The following TAFA4 variants were observed in gnomAD, a reference collection of about 807,000 sequenced individuals.
TAFA4 encodes chemokine-like protein TAFA-4.
A neutral mutation model predicts 21.1 loss-of-function variants in TAFA4; 20 were observed. That is an observed-to-expected ratio of 0.95 (90% CI 0.67 to 1.38). TAFA4 has a LOEUF of 1.38. Ranked by LOEUF, TAFA4 falls within the 40% of genes most tolerant of loss-of-function variation. The probability of loss-of-function intolerance (pLI) is 0.00; values close to 1 mark genes in which losing one functional copy is unlikely to be tolerated. For missense variants in TAFA4, 211 were observed against 180.9 expected (o/e 1.17, Z -0.95); for synonymous variants, 71 against 67.4 (o/e 1.05, Z -0.26).
chr3:68,867,963 A>G (rs193039868), intron 3 of TAFA4, among the ~76,000 whole-genome samples: 14 of 152,240 alleles, frequency 9.2e-5, no homozygotes, highest in African/African-American at 3.4e-4. Context: ...CAACCAGAAA[A>G]TAACAATATG....
chr3:68,874,013 A>G (rs1028414832), intron 3 of TAFA4, among the ~76,000 whole-genome samples: 4 of 152,046 alleles, frequency 2.6e-5, no homozygotes, highest in African/African-American at 4.8e-5. Flanking sequence ...TGCCTATATT[A>G]TATTTTTCCT....
rs961598702 is a variant in TAFA4 at position 68,849,685 on chromosome 3, T to C, written c.130+31045A>G. Among the ~76,000 whole-genome samples the C allele has an allele frequency of 8.5e-5, 13 of 152,344 alleles. No homozygotes were observed. The South Asian group carries it at 1.0e-3, about 12-fold the overall frequency. ...ATTCCCAATCTATAATCATGACGTATAATACAACATTAAGTCATGAAGTTT... is the reference window on the plus strand; with the variant it reads ...ATTCCCAATCTATAATCATGACGTACAATACAACATTAAGTCATGAAGTTT... On this transcript the variant is annotated intron_variant, in intron 3 of 5. Transcript: ENST00000295569.
intron 3 of TAFA4, among the ~76,000 whole-genome samples, chr3:68,844,249 G>C (rs911413417): frequency 2.0e-5 from 3 of 151,854 alleles, no homozygotes; most frequent in Non-Finnish European, 4.4e-5. Flanking sequence ...GTCTTGGGAG[G>C]GTGTATGTGT....
chr3:68,783,816 G>T (rs956730270), intron 3 of TAFA4, among the ~76,000 whole-genome samples: 2 of 151,920 alleles, frequency 1.3e-5, no homozygotes, highest in African/African-American at 4.8e-5. Context: ...AAAATAACAG[G>T]TGTGATTGTC....
At chr3:68,866,290 C>T (rs2089417145) in intron 3 of TAFA4, among the ~76,000 whole-genome samples, 1 of 151,930 alleles carries the variant, frequency 6.6e-6, no homozygotes, top group South Asian at 2.1e-4. Context: ...CCATTGGGAC[C>T]CACACTCCCA....
intron 3 of TAFA4, among the ~76,000 whole-genome samples, chr3:68,845,120 C>A (rs148535033): frequency 2.0e-4 from 30 of 152,276 alleles, no homozygotes; most frequent in African/African-American, 7.2e-4. Context: ...GTGTTAAAGT[C>A]TCCCGCTGTT....
intron 3 of TAFA4, among the ~76,000 whole-genome samples, chr3:68,773,588 C>A (rs1702997438): frequency 6.6e-6 from 1 of 152,174 alleles, no homozygotes; most frequent in Non-Finnish European, 1.5e-5. Context: ...TGATGACCTG[C>A]CCCCACCTGA....
chr3:68,820,570 T>G (rs1197131146), intron 3 of TAFA4, among the ~76,000 whole-genome samples: 3 of 151,588 alleles, frequency 2.0e-5, no homozygotes, highest in African/African-American at 7.3e-5. Flanking sequence ...TTCCATCTAC[T>G]TGGAAGGATT....
intron 3 of TAFA4, among the ~76,000 whole-genome samples, chr3:68,775,865 C>G (rs1448264229): frequency 6.6e-6 from 1 of 152,090 alleles, no homozygotes; most frequent in East Asian, 1.9e-4. Flanking sequence ...ACTTCAGTAT[C>G]CTGTTCCACA....
At chr3:68,880,243 T>C (rs1280778441) in intron 3 of TAFA4, among the ~76,000 whole-genome samples, 1 of 152,198 alleles carries the variant, frequency 6.6e-6, no homozygotes, top group Non-Finnish European at 1.5e-5. Context: ...TTTTCTCTTT[T>C]CTTTTTTTAA....
At chr3:68,882,633 G>A (rs1283513539) in intron 2 of TAFA4, among the ~76,000 whole-genome samples, 1 of 152,104 alleles carries the variant, frequency 6.6e-6, no homozygotes, top group African/African-American at 2.4e-5. Context: ...GTAATAACTG[G>A]AATTTTAAAA....
chr3:68,786,372 G>C (rs1274966294), intron 3 of TAFA4, among the ~76,000 whole-genome samples: 2 of 152,164 alleles, frequency 1.3e-5, no homozygotes, highest in Non-Finnish European at 2.9e-5. Flanking sequence ...AGGCTGAGAT[G>C]GGAGGATCAG....
chr3:68,916,625 T>A (rs1031408803), intron 1 of TAFA4, among the ~76,000 whole-genome samples: 9 of 152,220 alleles, frequency 5.9e-5, no homozygotes. Flanking sequence ...AAAGCTTTGA[T>A]ACAAAAATGT....
Position 68,785,422 on chromosome 3 carries a change from G to A in TAFA4, c.131-32404C>T, listed in dbSNP as rs558450411. Reference sequence around the variant, plus strand: ...GGAGCCCACAGAGGAGCAGGGGAAGGCTCAGGCATGGCGGGCTGCGGGTCC... The same window carrying A: ...GGAGCCCACAGAGGAGCAGGGGAAGACTCAGGCATGGCGGGCTGCGGGTCC... On this transcript the variant is annotated intron_variant, in intron 3 of 5. Transcript: ENST00000295569. Among the ~76,000 whole-genome samples, 92 of 152,376 alleles carry A rather than the reference G, an allele frequency of 6.0e-4. 2 individuals carry two copies. In the South Asian group the frequency reaches 0.018, roughly 30 times the overall value.
intron 3 of TAFA4, among the ~76,000 whole-genome samples, chr3:68,803,669 T>C (rs1282456950): frequency 6.6e-6 from 1 of 150,690 alleles, no homozygotes; most frequent in Non-Finnish European, 1.5e-5. Flanking sequence ...TGTTTGTTTT[T>C]CAATAGCTTC....
At chr3:68,826,795 C>G (rs1013332369) in intron 3 of TAFA4, among the ~76,000 whole-genome samples, 14 of 152,020 alleles carry the variant, frequency 9.2e-5, no homozygotes, top group South Asian at 2.1e-4. Context: ...AACTTTAATA[C>G]CCTTCTACTC....
intron 1 of TAFA4, among the ~76,000 whole-genome samples, chr3:68,898,781 C>G (rs1215972674): frequency 1.3e-5 from 2 of 152,200 alleles, no homozygotes; most frequent in Non-Finnish European, 2.9e-5. Flanking sequence ...GTTTACATCT[C>G]TGTTTAACAG....
At position 68,852,305 on chromosome 3, in the gene TAFA4, G is replaced by T. The variant is rs368558214; in HGVS notation, c.130+28425C>A. On this transcript the variant is annotated intron_variant, in intron 3 of 5. Coordinates refer to ENST00000295569, the MANE Select transcript of TAFA4 (RefSeq NM_182522.5). ...TGAGTTTGGAGGATAAACTGAGCCT[G>T]GGACTTTCTTCTCCCTCTCTGGGGC... is the stretch of plus-strand genomic sequence containing the variant. Among the ~76,000 whole-genome samples, 134 of 152,208 alleles carry T rather than the reference G, an allele frequency of 8.8e-4. 1 individual carries two copies. Among genetic ancestry groups the T allele is most frequent in the African/African-American group, 2.8e-3 (118 of 41,522 alleles).
At chr3:68,812,402 C>A (rs955706808) in intron 3 of TAFA4, among the ~76,000 whole-genome samples, 1 of 152,016 alleles carries the variant, frequency 6.6e-6, no homozygotes, top group African/African-American at 2.4e-5. Context: ...GAGTCAAGAC[C>A]CATCAGTGTG....
Sources: gnomAD v4.1 joint callset for allele counts (sites outside exome capture counted in the v4.1 genomes callset) on GRCh38, gnomAD v4.1.1 for gene constraint, MANE v1.5 for transcripts, NCBI Gene and HGNC (gene_info 2026-07-23, HGNC 2026-07-21) for gene names.